Variants in WEE2 observed in about 807,000 individuals in gnomAD.
The protein encoded by WEE2 is WEE2 oocyte meiosis inhibiting kinase.
In WEE2, 50 loss-of-function variants were observed where a neutral mutation model predicts 60.1. The observed-to-expected ratio is 0.83, with a 90% CI of 0.66 to 1.05. The LOEUF (loss-of-function observed/expected upper bound fraction) is 1.05, where lower values mean the gene tolerates loss of function less well. WEE2 is among the 50% of genes least tolerant of loss of function. The probability of loss-of-function intolerance (pLI) is 0.00; values close to 1 mark genes in which losing one functional copy is unlikely to be tolerated. For missense variants in WEE2, 631 were observed against 684.3 expected, an observed-to-expected ratio of 0.92 and a Z score of 0.87; for synonymous variants, 240 against 241.0, an observed-to-expected ratio of 1.00 and a Z score of 0.04.
At chr7:141,709,250 T>C (rs1439299385) in intron 1 of WEE2, 150 bp downstream of exon 1, 3 of 640,988 alleles carry the variant, frequency 4.7e-6, no homozygotes, top group Admixed American at 3.0e-5. Context: ...AATGAAGAAA[T>C]TAAAATTACC....
In WEE2 at chr7:141,708,698, G is replaced by A; in HGVS notation, c.-61G>A. ...TTATTTTCTCCTCCCTGCTTCTGTA[G>A]GTTCACAGCGTTCCCTTCTGATAGA... is the stretch of plus-strand genomic sequence containing the variant. On this transcript the variant is annotated 5_prime_UTR_variant, in exon 1 of 12. Transcript: ENST00000397541. 1.4e-6 allele frequency: 2 copies of A among 1,432,386 alleles called. No homozygotes were observed. Among genetic ancestry groups the A allele is most frequent in the South Asian group, 1.3e-5 (1 of 76,774 alleles). The allele number at this position is 1,432,386 out of a possible 1,614,324, so 88.7% of individuals were successfully genotyped here. A position where few individuals can be genotyped will look rare whatever the true frequency, so the allele number is the denominator to read the frequency against.
intron 3 of WEE2, among the ~76,000 whole-genome samples, chr7:141,717,116 T>A (rs908925473): frequency 6.6e-6 from 1 of 152,206 alleles, no homozygotes; most frequent in Non-Finnish European, 1.5e-5. Flanking sequence ...TGCAAAAGAC[T>A]CAAAATTTTA....
chr7:141,717,715 T>G (rs571159220), intron 3 of WEE2, among the ~76,000 whole-genome samples: 1 of 152,174 alleles, frequency 6.6e-6, no homozygotes, highest in Non-Finnish European at 1.5e-5. Context: ...AAATAGAGCT[T>G]GGGTAGGAAG....
At chr7:141,715,385 T>C (rs891029734) in intron 2 of WEE2, among the ~76,000 whole-genome samples, 1 of 152,212 alleles carries the variant, frequency 6.6e-6, no homozygotes, top group South Asian at 2.1e-4. Flanking sequence ...TATTTTTCCT[T>C]ATTTTTATAA....
At chr7:141,730,253 C>T in intron 11 of WEE2, 42 bp from the exon 12 acceptor site, 2 of 1,602,024 alleles carry the variant, frequency 1.2e-6, no homozygotes, top group Non-Finnish European at 1.7e-6. Flanking sequence ...CCTAATGCCA[C>T]TGATCAATAA....
chr7:141,716,893 G>GATA (rs1798808750), intron 3 of WEE2, among the ~76,000 whole-genome samples: 2 of 152,068 alleles, frequency 1.3e-5, no homozygotes, highest in African/African-American at 2.4e-5. Context: ...CACAATCTTT[G>GATA]ATCCATCCCT....
At position 141,730,603 on chromosome 7, in the gene WEE2, T is replaced by G; in HGVS notation, c.*283T>G. 1 of 315,700 alleles carries G rather than the reference T, an allele frequency of 3.2e-6. No homozygotes were observed. 19.6% of individuals were successfully genotyped at this position (315,700 alleles called of 1,614,324 possible). A position where few individuals can be genotyped will look rare whatever the true frequency, so the allele number is the denominator to read the frequency against. On this transcript the variant is annotated 3_prime_UTR_variant, in exon 12 of 12. Coordinates refer to ENST00000397541, the MANE Select transcript of WEE2 (RefSeq NM_001105558.1). The stretch of plus-strand genomic sequence containing the variant: ...TTTATTAAATAAATGGTTTCACCAT[T>G]ATGTGAGGTGGGTAAAAGTTAGACT...
At chr7:141,714,523 T>A in intron 2 of WEE2, 118 bp downstream of exon 2, 6 of 711,092 alleles carry the variant, frequency 8.4e-6, no homozygotes, top group South Asian at 2.2e-5. Context: ...ATGTATATGC[T>A]TACATATTCT....
intron 3 of WEE2, 47 bp from the exon 4 acceptor site, chr7:141,719,025 C>T (rs762417234): frequency 6.3e-7 from 1 of 1,582,700 alleles, no homozygotes; most frequent in Non-Finnish European, 8.6e-7. Context: ...TTATTGCTTA[C>T]AACATGGTAG....
chr7:141,716,850 C>A (rs1389533634), intron 3 of WEE2, among the ~76,000 whole-genome samples: 1 of 152,086 alleles, frequency 6.6e-6, no homozygotes, highest in Non-Finnish European at 1.5e-5. Context: ...AATTTTAGCT[C>A]TTAAATGTAT....
intron 4 of WEE2, among the ~76,000 whole-genome samples, chr7:141,720,515 A>C (rs533268699): frequency 1.3e-5 from 2 of 152,250 alleles, no homozygotes; most frequent in Non-Finnish European, 2.9e-5. Flanking sequence ...CAATATCCAC[A>C]ATCTGGTGTA....
At chr7:141,729,931 T>C (rs999427109) in intron 11 of WEE2, among the ~76,000 whole-genome samples, 1 of 145,688 alleles carries the variant, frequency 6.9e-6, no homozygotes, top group African/African-American at 2.6e-5. Flanking sequence ...GAGCTTGCAG[T>C]GAGCTGAGAT....
chr7:141,712,108 C>G (rs992569990), intron 1 of WEE2, among the ~76,000 whole-genome samples: 2 of 152,060 alleles, frequency 1.3e-5, no homozygotes, highest in Admixed American at 1.3e-4. Context: ...GGGGACTCAT[C>G]ATATTGACTG....
At position 141,714,221 on chromosome 7, in the gene WEE2, C is replaced by T. The variant is rs376644027; in HGVS notation, c.355C>T (p.Arg119Trp). The change falls in exon 2 of 12, where the codon CGG becomes TGG. Residue 119 changes from arginine to tryptophan, a missense_variant. Coordinates refer to ENST00000397541, the MANE Select transcript of WEE2 (RefSeq NM_001105558.1). ...CATCCTCATTCAGACCATGCTGAGC[C>T]GGTTGGTGATTTCTCCAACAGGGAA... is the stretch of plus-strand genomic sequence containing the variant. ...SPSTPKTMLS[R>W]LVISPTGKLP... 1.9e-5 allele frequency: 31 copies of T among 1,611,288 alleles called. 1 individual carries two copies. The highest frequency in any genetic ancestry group is 6.6e-5 in the South Asian group (6 of 90,428).
chr7:141,726,488 C>T (rs940543340), intron 9 of WEE2, among the ~76,000 whole-genome samples: 1 of 152,100 alleles, frequency 6.6e-6, no homozygotes, highest in Non-Finnish European at 1.5e-5. Flanking sequence ...TGTCCTTCTT[C>T]CTGACTTCTT....
intron 4 of WEE2, among the ~76,000 whole-genome samples, chr7:141,719,670 T>C (rs28491359): frequency 0.57 from 87,418 of 152,062 alleles, 26,121 homozygotes; most frequent in African/African-American, 0.76. Flanking sequence ...AGGATGGTCT[T>C]GATCTCTTGA....
intron 1 of WEE2, among the ~76,000 whole-genome samples, chr7:141,713,118 A>C (rs898156584): frequency 6.6e-6 from 1 of 152,238 alleles, no homozygotes; most frequent in Non-Finnish European, 1.5e-5. Flanking sequence ...TAAATTCTAT[A>C]GCTTCCTTCA....
intron 11 of WEE2, among the ~76,000 whole-genome samples, chr7:141,729,974 C>A (rs1313585440): frequency 7.2e-6 from 1 of 138,334 alleles, no homozygotes; most frequent in Non-Finnish European, 1.5e-5. Flanking sequence ...GGCAACAGAG[C>A]GAGACTCTGT....
chr7:141,715,233 T>C (rs1189257981), intron 2 of WEE2, among the ~76,000 whole-genome samples: 1 of 152,198 alleles, frequency 6.6e-6, no homozygotes, highest in Non-Finnish European at 1.5e-5. Context: ...TCCACCCACC[T>C]ACTTTGGCTA....
Sources: allele counts gnomAD v4.1 joint callset (sites outside exome capture counted in the v4.1 genomes callset), GRCh38; gene constraint gnomAD v4.1.1; transcripts MANE v1.5; gene names NCBI Gene and HGNC (gene_info 2026-07-23, HGNC 2026-07-21).